The following PDE1A variants were observed in gnomAD, a reference collection of about 807,000 sequenced individuals.
PDE1A encodes the protein phosphodiesterase 1A.
Under a neutral mutation model 61.7 loss-of-function variants are expected in PDE1A, and 35 were observed. The observed-to-expected ratio is 0.57, with a 90% CI of 0.43 to 0.75. The LOEUF (loss-of-function observed/expected upper bound fraction) is 0.75, where lower values mean the gene tolerates loss of function less well. Ranked by LOEUF, PDE1A falls within the 30% of genes least tolerant of loss-of-function variation. The probability of loss-of-function intolerance (pLI) is 0.00; values close to 1 mark genes in which losing one functional copy is unlikely to be tolerated. For synonymous variants in PDE1A, 232 were observed against 213.2 expected, an observed-to-expected ratio of 1.09 and a Z score of -0.77; for missense variants, 597 against 630.6, an observed-to-expected ratio of 0.95 and a Z score of 0.57.
At chr2:182,490,271 G>A (rs1183222488) in intron 2 of PDE1A, among the ~76,000 whole-genome samples, 1 of 152,206 alleles carries the variant, frequency 6.6e-6, no homozygotes, top group Non-Finnish European at 1.5e-5. Context: ...AGCAGAGCAA[G>A]TGAAAACCAT....
At chr2:182,596,930 A>C in the PDE1A span, among the ~76,000 whole-genome samples, 1 of 152,118 alleles carries the variant, frequency 6.6e-6, no homozygotes, top group Non-Finnish European at 1.5e-5. Context: ...GAGGCAGGTG[A>C]ATCTGTAGAG....
At chr2:182,239,974 T>G in intron 3 of PDE1A, 136 bp downstream of exon 3, 1 of 640,536 alleles carries the variant, frequency 1.6e-6, no homozygotes. Flanking sequence ...AGTCCCAAAT[T>G]TGTTCATTCT....
At chr2:182,473,789 T>C (rs1387651715) in intron 2 of PDE1A, among the ~76,000 whole-genome samples, 1 of 152,014 alleles carries the variant, frequency 6.6e-6, no homozygotes, top group Non-Finnish European at 1.5e-5. Context: ...GGCCTTCAGC[T>C]CCATCCACGT....
chr2:182,282,700 ATTTG>A (rs757588590), intron 1 of PDE1A, among the ~76,000 whole-genome samples: 10 of 152,074 alleles, frequency 6.6e-5, no homozygotes, highest in Middle Eastern at 3.4e-3. Flanking sequence ...CAAGAATTTA[ATTTG>A]TTTATTTTTT....
chr2:182,415,381 A>G (rs940674615), intron 1 of PDE1A, among the ~76,000 whole-genome samples: 1 of 152,148 alleles, frequency 6.6e-6, no homozygotes, highest in African/African-American at 2.4e-5. Context: ...AGCATTTTGG[A>G]TACTAGGAAA....
At chr2:182,687,758 C>T in the PDE1A span, among the ~76,000 whole-genome samples, 3 of 152,198 alleles carry the variant, frequency 2.0e-5, no homozygotes, top group African/African-American at 4.8e-5. Flanking sequence ...TCGAACCCAT[C>T]GCAAACAAGT....
chr2:182,287,576 C>CTTTCTGTGCACTAAGG lies in PDE1A; in HGVS notation c.54-23178_54-23163dup, dbSNP rs1300542440. Reference sequence around the variant, plus strand: ...TGACTCACTAATAAAGTTTGCTGAACTTTCTGTGCACTAAGGTGGGAACAC... The same window carrying CTTTCTGTGCACTAAGG: ...TGACTCACTAATAAAGTTTGCTGAACTTTCTGTGCACTAAGGTTTCTGTGCACTAAGGTGGGAACAC... On this transcript the variant is annotated intron_variant, in intron 1 of 13. Transcript: ENST00000351439. 2.4e-3 allele frequency among the ~76,000 whole-genome samples: 367 copies of CTTTCTGTGCACTAAGG among 152,152 alleles called. 1 individual carries two copies. Among genetic ancestry groups the CTTTCTGTGCACTAAGG allele is most frequent in the African/African-American group, 8.6e-3 (356 of 41,526 alleles).
chr2:182,304,385 G>C (rs1695445483), intron 1 of PDE1A, among the ~76,000 whole-genome samples: 2 of 152,178 alleles, frequency 1.3e-5, no homozygotes, highest in South Asian at 4.1e-4. Context: ...CAGTGATAAG[G>C]CTGTTTTGCT....
chr2:182,370,784 T>G (rs1700087067), intron 1 of PDE1A, among the ~76,000 whole-genome samples: 1 of 152,070 alleles, frequency 6.6e-6, no homozygotes, highest in African/African-American at 2.4e-5. Flanking sequence ...GACAGGACCA[T>G]GTGAGTGTGC....
At chr2:182,600,856 C>T in the PDE1A span, among the ~76,000 whole-genome samples, 1 of 152,222 alleles carries the variant, frequency 6.6e-6, no homozygotes, top group Non-Finnish European at 1.5e-5. Flanking sequence ...GGCCTTCAGT[C>T]TTTCCTTGAT....
chr2:182,489,599 C>T (rs917721001), intron 2 of PDE1A, among the ~76,000 whole-genome samples: 1 of 152,144 alleles, frequency 6.6e-6, no homozygotes, highest in Non-Finnish European at 1.5e-5. Context: ...GTAGATTCCA[C>T]AAGATTTCCT....
At chr2:182,281,879 T>C (rs1326052358) in intron 1 of PDE1A, among the ~76,000 whole-genome samples, 1 of 151,954 alleles carries the variant, frequency 6.6e-6, no homozygotes, top group Non-Finnish European at 1.5e-5. Flanking sequence ...ATATTAAATA[T>C]AGTTAAGAAA....
chr2:182,572,815 G>A, the PDE1A span, among the ~76,000 whole-genome samples: 1 of 145,252 alleles, frequency 6.9e-6, no homozygotes, highest in African/African-American at 2.6e-5. Context: ...CTTGCAGTGA[G>A]CCAAGATTGC....
At chr2:182,480,872 A>G (rs1232508694) in intron 2 of PDE1A, among the ~76,000 whole-genome samples, 1 of 151,850 alleles carries the variant, frequency 6.6e-6, no homozygotes, top group East Asian at 1.9e-4. Flanking sequence ...CATTCATGGA[A>G]GGGATATTTC....
At chr2:182,479,753 A>T (rs1457904415) in intron 2 of PDE1A, among the ~76,000 whole-genome samples, 1 of 151,936 alleles carries the variant, frequency 6.6e-6, no homozygotes, top group East Asian at 1.9e-4. Context: ...CATAATAGAA[A>T]TAGTAATTAT....
intron 2 of PDE1A, among the ~76,000 whole-genome samples, chr2:182,499,990 A>G (rs940241111): frequency 2.6e-5 from 4 of 152,210 alleles, no homozygotes; most frequent in African/African-American, 7.2e-5. Context: ...TTGAAAAACA[A>G]TACAATACCA....
At chr2:182,706,463 C>T in the PDE1A span, among the ~76,000 whole-genome samples, 4 of 152,046 alleles carry the variant, frequency 2.6e-5, no homozygotes, top group African/African-American at 4.8e-5. Flanking sequence ...AGGTCTAAAA[C>T]ATGCTAACCA....
At chr2:182,518,971 TGTATGTTTAG>T (rs1199114755) in intron 2 of PDE1A, among the ~76,000 whole-genome samples, 1 of 152,016 alleles carries the variant, frequency 6.6e-6, no homozygotes, top group East Asian at 1.9e-4. Flanking sequence ...TGGAACTCTT[TGTATGTTTAG>T]AGAAAAAAAA....
intron 13 of PDE1A, among the ~76,000 whole-genome samples, chr2:182,168,965 A>C (rs1181134612): frequency 6.6e-6 from 1 of 152,024 alleles, no homozygotes; most frequent in African/African-American, 2.4e-5. Flanking sequence ...GGCATCAAGG[A>C]AATTATTAAG....
Sources: allele counts gnomAD v4.1 joint callset (sites outside exome capture counted in the v4.1 genomes callset), GRCh38; gene constraint gnomAD v4.1.1; transcripts MANE v1.5; gene names NCBI Gene and HGNC (gene_info 2026-07-23, HGNC 2026-07-21).